NOL4: variants seen among roughly 807,000 people sequenced by gnomAD.
The protein encoded by NOL4 is nucleolar protein 4.
In NOL4, 17 loss-of-function variants were observed where a neutral mutation model predicts 75.9. The observed-to-expected ratio is 0.22, with a 90% CI of 0.15 to 0.34. The LOEUF is 0.34. NOL4 is among the 10% of genes least tolerant of loss of function. The pLI is 1.00. For synonymous variants in NOL4, 292 were observed against 289.9 expected (o/e 1.01, Z -0.07); for missense variants, 614 against 793.5 (o/e 0.77, Z 2.72).
chr18:33,972,935 A>G (rs985469018), intron 6 of NOL4, among the ~76,000 whole-genome samples: 8 of 152,168 alleles, frequency 5.3e-5, no homozygotes, highest in African/African-American at 1.9e-4. Flanking sequence ...TGATTGCTGA[A>G]GCATAGGGTG....
At chr18:34,054,913 A>G (rs143243787) in intron 5 of NOL4, among the ~76,000 whole-genome samples, 14 of 150,290 alleles carry the variant, frequency 9.3e-5, no homozygotes, top group African/African-American at 2.7e-4. Flanking sequence ...AAGTTGTAAC[A>G]TAACATTCTA....
At chr18:34,151,138 G>C (rs1049972558) in intron 1 of NOL4, among the ~76,000 whole-genome samples, 9 of 151,826 alleles carry the variant, frequency 5.9e-5, no homozygotes, top group Non-Finnish European at 1.3e-4. Context: ...ATAGCACTTT[G>C]GAAGAAAGTT....
intron 6 of NOL4, among the ~76,000 whole-genome samples, chr18:33,965,736 G>A (rs139286019): frequency 1.3e-5 from 2 of 152,062 alleles, no homozygotes; most frequent in Admixed American, 6.6e-5. Flanking sequence ...ATTTCCACCA[G>A]GATTGTAAGT....
chr18:34,222,857 G>T (rs2037419891), intron 1 of NOL4, 133 bp downstream of exon 1: 1 of 1,181,034 alleles, frequency 8.5e-7, no homozygotes, highest in Admixed American at 2.3e-5. Flanking sequence ...GACTTGGGGA[G>T]GGGGTTGAGG....
chr18:34,038,800 T>C (rs2076020793), intron 5 of NOL4, among the ~76,000 whole-genome samples: 1 of 151,982 alleles, frequency 6.6e-6, no homozygotes, highest in South Asian at 2.1e-4. Context: ...ACAGTTTAGA[T>C]AGAAAAACAA....
chr18:34,113,691 G>C (rs1178341420), intron 2 of NOL4, among the ~76,000 whole-genome samples: 1 of 151,788 alleles, frequency 6.6e-6, no homozygotes, highest in African/African-American at 2.4e-5. Flanking sequence ...TTAAATTATG[G>C]TATATTTGAA....
At chr18:33,925,517 A>AGGAAG (rs2067271732) in intron 9 of NOL4, among the ~76,000 whole-genome samples, 1 of 152,202 alleles carries the variant, frequency 6.6e-6, no homozygotes, top group Non-Finnish European at 1.5e-5. Context: ...GACTTCTCAA[A>AGGAAG]TTTGCTTGAT....
chr18:33,896,116 T>C (rs975189634), intron 9 of NOL4, among the ~76,000 whole-genome samples: 10 of 151,988 alleles, frequency 6.6e-5, no homozygotes, highest in Admixed American at 5.3e-4. Context: ...ATCTCTACAA[T>C]GAGAATTACA....
intron 9 of NOL4, among the ~76,000 whole-genome samples, chr18:33,905,685 G>A (rs980448083): frequency 6.6e-6 from 1 of 152,032 alleles, no homozygotes; most frequent in Non-Finnish European, 1.5e-5. Flanking sequence ...GCTGTATATA[G>A]GGTATATAGA....
At chr18:33,867,494 A>C (rs2063489756) in intron 10 of NOL4, among the ~76,000 whole-genome samples, 1 of 152,120 alleles carries the variant, frequency 6.6e-6, no homozygotes, top group Non-Finnish European at 1.5e-5. Flanking sequence ...TTCCCTTAAA[A>C]GTGAAATAAA....
At chr18:33,858,648 T>C (rs2062944274) in intron 10 of NOL4, among the ~76,000 whole-genome samples, 1 of 152,106 alleles carries the variant, frequency 6.6e-6, no homozygotes, top group African/African-American at 2.4e-5. Flanking sequence ...TCTAATACTC[T>C]TTTTGATGAT....
In NOL4 at chr18:33,996,034, A is replaced by G. The variant is rs146586266; in HGVS notation, c.1056+23284T>C. On this transcript the variant is annotated intron_variant, in intron 6 of 10. Coordinates refer to ENST00000261592, the MANE Select transcript of NOL4 (RefSeq NM_003787.5). ...GGAAGTAGGGTATTGAAGTCTTGAA[A>G]TAGTATCTACTTCAGCTAATATCAT... 1.5e-3 allele frequency among the ~76,000 whole-genome samples: 232 copies of G among 151,628 alleles called. 2 individuals carry two copies. Among genetic ancestry groups the G allele is most frequent in the African/African-American group, 5.4e-3 (223 of 41,494 alleles).
intron 1 of NOL4, among the ~76,000 whole-genome samples, chr18:34,218,678 C>G (rs972737459): frequency 6.6e-6 from 1 of 151,726 alleles, no homozygotes; most frequent in Non-Finnish European, 1.5e-5. Context: ...TCCTATGCTA[C>G]AGGATCTCCC....
intron 5 of NOL4, among the ~76,000 whole-genome samples, chr18:34,079,185 G>T (rs1014501488): frequency 2.0e-5 from 3 of 152,074 alleles, no homozygotes; most frequent in African/African-American, 7.2e-5. Context: ...TGAGGCTTTG[G>T]AAGTGTGGGT....
At chr18:34,034,143 A>G (rs1295103559) in intron 5 of NOL4, among the ~76,000 whole-genome samples, 1 of 152,170 alleles carries the variant, frequency 6.6e-6, no homozygotes, top group Non-Finnish European at 1.5e-5. Flanking sequence ...TGAGGAAGAG[A>G]AAGGACTCAA....
chr18:34,031,770 A>G (rs1193902265), intron 5 of NOL4, among the ~76,000 whole-genome samples: 1 of 152,210 alleles, frequency 6.6e-6, no homozygotes, highest in East Asian at 1.9e-4. Context: ...CAATACAAGG[A>G]AAGAGTAAGT....
intron 6 of NOL4, among the ~76,000 whole-genome samples, chr18:33,979,157 A>G (rs2071742373): frequency 6.6e-6 from 1 of 152,116 alleles, no homozygotes; most frequent in South Asian, 2.1e-4. Flanking sequence ...TTTAGATTAT[A>G]GAGGTAAAAC....
chr18:34,090,130 C>A (rs929086788), intron 5 of NOL4, among the ~76,000 whole-genome samples: 2 of 151,878 alleles, frequency 1.3e-5, no homozygotes, highest in Non-Finnish European at 2.9e-5. Context: ...AGAAGGTTGT[C>A]AATATGGATT....
At chr18:33,859,744 C>A (rs2063005554) in intron 10 of NOL4, among the ~76,000 whole-genome samples, 1 of 151,972 alleles carries the variant, frequency 6.6e-6, no homozygotes. Flanking sequence ...CATGGTGAAA[C>A]CTAGTCTTTA....
Sources: allele counts gnomAD v4.1 joint callset (sites outside exome capture counted in the v4.1 genomes callset), GRCh38; gene constraint gnomAD v4.1.1; transcripts MANE v1.5; gene names NCBI Gene and HGNC (gene_info 2026-07-23, HGNC 2026-07-21).